The following POLR3C variants were observed in gnomAD, a reference collection of about 807,000 sequenced individuals.
The protein encoded by POLR3C is RNA polymerase III subunit C, also known as DNA-directed RNA polymerase III subunit RPC3.
Under a neutral mutation model 65.9 loss-of-function variants are expected in POLR3C, and 44 were observed. The ratio of observed to expected loss-of-function variants is 0.67; its 90% CI spans 0.52 to 0.86. The LOEUF is 0.86. Among genes scored for constraint, POLR3C ranks in the 40% least tolerant of loss-of-function variants. POLR3C has a pLI of 0.00. For missense variants in POLR3C, 576 were observed against 653.2 expected (o/e 0.88, Z 1.29); for synonymous variants, 263 against 231.6 (o/e 1.14, Z -1.23).
chr1:145,831,916 C>T (rs1651358997), intron 5 of POLR3C, among the ~76,000 whole-genome samples: 1 of 152,244 alleles, frequency 6.6e-6, no homozygotes, highest in Non-Finnish European at 1.5e-5. Flanking sequence ...TGGCACGCAC[C>T]TGTGGTCCCA....
chr1:145,824,550 C>G (rs1650535383), intron 1 of POLR3C, 181 bp downstream of exon 1: 2 of 1,288,066 alleles, frequency 1.6e-6, no homozygotes, highest in Non-Finnish European at 2.0e-6. Flanking sequence ...CGAAATAGGT[C>G]TCTGGTGATA....
intron 3 of POLR3C, 33 bp from the exon 4 acceptor site, chr1:145,826,787 C>T (rs782384063): frequency 1.9e-6 from 3 of 1,603,230 alleles, no homozygotes; most frequent in Non-Finnish European, 8.5e-7. Flanking sequence ...TATCTTAGGC[C>T]ATCTCATCTG....
chr1:145,840,015 C>G (rs782141927), intron 12 of POLR3C, 24 bp downstream of exon 12: 4 of 1,527,824 alleles, frequency 2.6e-6, no homozygotes, highest in Admixed American at 3.3e-5. Flanking sequence ...GACCTTCTCC[C>G]CATTTCCTCC....
intron 1 of POLR3C, 117 bp from the exon 2 acceptor site, chr1:145,825,639 GC>G (rs1202573161): frequency 3.8e-6 from 2 of 530,866 alleles, no homozygotes; most frequent in Non-Finnish European, 6.5e-6. Flanking sequence ...GATTTTTAAG[GC>G]TTTTTGATAT....
intron 5 of POLR3C, 114 bp from the exon 6 acceptor site, chr1:145,833,146 C>G (rs1651476348): frequency 3.2e-6 from 2 of 633,590 alleles, no homozygotes; most frequent in Non-Finnish European, 5.6e-6. Context: ...TGATTTTTTT[C>G]CAACCAATGT....
intron 5 of POLR3C, among the ~76,000 whole-genome samples, chr1:145,829,878 C>T (rs917934128): frequency 2.0e-5 from 3 of 152,214 alleles, no homozygotes; most frequent in Admixed American, 1.3e-4. Flanking sequence ...CCCACTCCTA[C>T]ACTAGTTCCT....
chr1:145,841,483 C>G (rs1553730574), intron 14 of POLR3C, among the ~76,000 whole-genome samples: 1 of 152,180 alleles, frequency 6.6e-6, no homozygotes, highest in African/African-American at 2.4e-5. Context: ...CACACGCAGG[C>G]CTTCATCACC....
rs924265786 is a variant in POLR3C, at chr1:145,842,835, C to T, written c.*415C>T. On this transcript the variant is annotated 3_prime_UTR_variant, in exon 15 of 15. Coordinates refer to ENST00000334163, the MANE Select transcript of POLR3C (RefSeq NM_006468.8). ...GATAGATAATTTGTTGTTGTTGAGACAGGATCTCACTCTGTCACTCAGGCT... is the reference window on the plus strand; with the variant it reads ...GATAGATAATTTGTTGTTGTTGAGATAGGATCTCACTCTGTCACTCAGGCT... 1.9e-5 allele frequency among the ~76,000 whole-genome samples: 2 copies of T among 102,832 alleles called. No individual in the cohort carries two copies. The highest frequency in any genetic ancestry group is 4.1e-5 in the Non-Finnish European group (2 of 49,382). The allele number at this position is 102,832 out of a possible 152,430, so 67.5% of individuals were successfully genotyped here.
intron 11 of POLR3C, among the ~76,000 whole-genome samples, chr1:145,839,046 G>T (rs952081515): frequency 1.3e-5 from 2 of 151,968 alleles, no homozygotes; most frequent in Non-Finnish European, 1.5e-5. Context: ...CTAGGCGGAC[G>T]GATCACTTGA....
At chr1:145,834,652 C>G (rs1398707576) in intron 7 of POLR3C, among the ~76,000 whole-genome samples, 2 of 151,766 alleles carry the variant, frequency 1.3e-5, no homozygotes, top group African/African-American at 2.4e-5. Context: ...TCCAGCCTCA[C>G]CACACATGTG....
At chr1:145,841,375 C>G (rs1416003782) in intron 14 of POLR3C, among the ~76,000 whole-genome samples, 1 of 152,208 alleles carries the variant, frequency 6.6e-6, no homozygotes, top group Non-Finnish European at 1.5e-5. Flanking sequence ...GTCTTCCTGC[C>G]TCAGCCTCCC....
chr1:145,826,740 A>G lies in POLR3C; in HGVS notation c.403+31A>G, dbSNP rs782359411. 6 of 1,612,818 alleles carry G rather than the reference A, an allele frequency of 3.7e-6. No individual in the cohort carries two copies. In the East Asian group the frequency reaches 1.3e-4, roughly 36 times the overall value. ...TATGGTATCCATAGCTGTTAACAAAAGCATAGATCAGCTGGCTATGGGAGT... is the reference window on the plus strand; with the variant it reads ...TATGGTATCCATAGCTGTTAACAAAGGCATAGATCAGCTGGCTATGGGAGT... On this transcript the variant is annotated intron_variant, in intron 3 of 14. Transcript: ENST00000334163.
chr1:145,835,682 C>T (rs1651755977), intron 7 of POLR3C, among the ~76,000 whole-genome samples: 1 of 151,922 alleles, frequency 6.6e-6, no homozygotes, highest in Non-Finnish European at 1.5e-5. Flanking sequence ...TCAAGGCATT[C>T]TCCTGCTCAT....
rs1164160809 is a variant in POLR3C at position 145,842,982 on chromosome 1, TTTTA to T, written c.*578_*581del. Among the ~76,000 whole-genome samples, 2 of 152,048 alleles carry T rather than the reference TTTTA, an allele frequency of 1.3e-5. No homozygotes were observed. Among genetic ancestry groups the T allele is most frequent in the Non-Finnish European group, 2.9e-5 (2 of 67,976 alleles). Reference sequence around the variant, plus strand: ...CATGCACCACACATACCCAGCTATTTTTTATTTATTTATTTATTTTTTTGTAGAG... The same window carrying T: ...CATGCACCACACATACCCAGCTATTTTTTATTTATTTATTTTTTTGTAGAG... On this transcript the variant is annotated 3_prime_UTR_variant, in exon 15 of 15. Coordinates refer to ENST00000334163, the MANE Select transcript of POLR3C (RefSeq NM_006468.8).
At chr1:145,824,878 C>T (rs1650573429) in intron 1 of POLR3C, among the ~76,000 whole-genome samples, 1 of 152,056 alleles carries the variant, frequency 6.6e-6, no homozygotes, top group Non-Finnish European at 1.5e-5. Context: ...GAGCTGTGAA[C>T]AGTGACCTTA....
chr1:145,826,970 A>C lies in POLR3C; in HGVS notation c.554A>C (p.Lys185Thr). The change falls in exon 4 of 15, where the codon AAG (lysine) becomes ACG (threonine). Residue 185 changes from lysine to threonine, a missense_variant. Lys to Thr is a moderately conservative substitution (Grantham distance 78). Transcript: ENST00000334163. ...GCCCCCACACTTGTCATTAATGAAA[A>C]GGACATGTACCTGGTTCCTAAACTC... ...PPAPTLVINEKDMYLVPKLSL... is the reference protein window; with the variant it reads ...PPAPTLVINETDMYLVPKLSL... 1.2e-6 allele frequency: 2 copies of C among 1,612,590 alleles called. No homozygotes were observed. The highest frequency in any genetic ancestry group is 1.7e-6 in the Non-Finnish European group (2 of 1,179,662).
At chr1:145,837,396 A>G (rs1384023859) in intron 9 of POLR3C, 140 bp from the exon 10 acceptor site, 1 of 547,956 alleles carries the variant, frequency 1.8e-6, no homozygotes, top group African/African-American at 2.0e-5. Flanking sequence ...TTTATGTACC[A>G]TGACTGAAAC....
intron 11 of POLR3C, 142 bp downstream of exon 11, chr1:145,838,348 C>T (rs782565217): frequency 1.1e-5 from 8 of 724,634 alleles, no homozygotes; most frequent in African/African-American, 7.1e-5. Context: ...AGAGACATAG[C>T]GAGCACTTGG....
intron 7 of POLR3C, among the ~76,000 whole-genome samples, chr1:145,834,480 A>G (rs891946171): frequency 1.6e-4 from 24 of 151,874 alleles, no homozygotes; most frequent in Admixed American, 2.6e-4. Context: ...CAGCCTGGGC[A>G]ACATGGTGAA....
Sources: gnomAD v4.1 joint callset for allele counts (sites outside exome capture counted in the v4.1 genomes callset) on GRCh38, gnomAD v4.1.1 for gene constraint, MANE v1.5 for transcripts, NCBI Gene and HGNC (gene_info 2026-07-23, HGNC 2026-07-21) for gene names.